The following FAR2 variants were observed in gnomAD, a reference collection of about 807,000 sequenced individuals.
FAR2 encodes fatty acyl-CoA reductase 2, also known as epididymis secretory protein Li 81.
A neutral mutation model predicts 56.0 loss-of-function variants in FAR2; 19 were observed. The observed-to-expected ratio is 0.34, with a 90% confidence interval of 0.24 to 0.50. The LOEUF (loss-of-function observed/expected upper bound fraction) is 0.50. Ranked by LOEUF, FAR2 falls within the 20% of genes least tolerant of loss-of-function variation. The pLI is 0.98. For synonymous variants in FAR2, 219 were observed against 218.8 expected, an observed-to-expected ratio of 1.00 and a Z score of -0.01; for missense variants, 508 against 642.2, an observed-to-expected ratio of 0.79 and a Z score of 2.26.
intron 1 of FAR2, among the ~76,000 whole-genome samples, chr12:29,252,272 A>G (rs771738166): frequency 6.6e-6 from 1 of 152,184 alleles, no homozygotes; most frequent in Admixed American, 6.5e-5. Context: ...GAAAATTGCA[A>G]TGACCCAACC....
chr12:29,199,905 T>A (rs985729446), intron 1 of FAR2, among the ~76,000 whole-genome samples: 1 of 152,154 alleles, frequency 6.6e-6, no homozygotes, highest in Non-Finnish European at 1.5e-5. Flanking sequence ...ATTCATTTTT[T>A]AAAATATGTT....
At position 29,297,101 on chromosome 12, in the gene FAR2, T is replaced by C; in HGVS notation, c.446T>C (p.Ile149Thr). The C allele has an allele frequency of 6.2e-7, 1 of 1,614,036 alleles. No homozygotes were observed. The highest frequency in any genetic ancestry group is 1.1e-5 in the South Asian group (1 of 91,066). ...CAGATGCCAAAGCTGGAAGCCTTTA[T>C]ACATATCTCTACTGCCTATTCAAAT... ...ASQMPKLEAF[I>T]HISTAYSNCN... Residue 149 changes from isoleucine (I) to threonine (T), a missense_variant, in exon 4 of 12, where the codon ATA becomes ACA. Transcript: ENST00000536681.
intron 8 of FAR2, among the ~76,000 whole-genome samples, chr12:29,314,535 C>T (rs1490060838): frequency 3.3e-5 from 5 of 150,890 alleles, no homozygotes; most frequent in African/African-American, 1.2e-4. Flanking sequence ...GTGATTAGAA[C>T]GGTGAACATT....
intron 4 of FAR2, among the ~76,000 whole-genome samples, chr12:29,303,204 T>A (rs566350223): frequency 1.3e-5 from 2 of 152,312 alleles, no homozygotes; most frequent in South Asian, 4.2e-4. Flanking sequence ...GACTCTTAAC[T>A]CTGCAGATGT....
intron 1 of FAR2, among the ~76,000 whole-genome samples, chr12:29,244,345 G>A (rs1053911955): frequency 3.3e-5 from 5 of 152,160 alleles, no homozygotes; most frequent in Admixed American, 1.3e-4. Context: ...CTTCTTATTA[G>A]TGTCAGTGTG....
At chr12:29,332,977 G>A in intron 11 of FAR2, 1 of 535,582 alleles carries the variant, frequency 1.9e-6, no homozygotes, top group Non-Finnish European at 3.5e-6. Flanking sequence ...CAAATAACTT[G>A]CCCATGGTAA....
At chr12:29,324,094 G>A (rs1252158650) in intron 10 of FAR2, among the ~76,000 whole-genome samples, 4 of 152,328 alleles carry the variant, frequency 2.6e-5, no homozygotes, top group Admixed American at 6.5e-5. Flanking sequence ...AGAACTACGT[G>A]ACGAATGCAC....
intron 2 of FAR2, among the ~76,000 whole-genome samples, chr12:29,288,994 T>C (rs1480004990): frequency 6.6e-6 from 1 of 152,036 alleles, no homozygotes; most frequent in Non-Finnish European, 1.5e-5. Context: ...AAGTGAAAGA[T>C]CTCTATAATG....
chr12:29,303,508 C>G (rs1172097414), intron 4 of FAR2, among the ~76,000 whole-genome samples: 1 of 152,164 alleles, frequency 6.6e-6, no homozygotes, highest in African/African-American at 2.4e-5. Flanking sequence ...CCAGAAGACA[C>G]AGCTAAGCTG....
At chr12:29,315,484 A>G (rs1391655299) in intron 8 of FAR2, among the ~76,000 whole-genome samples, 1 of 152,116 alleles carries the variant, frequency 6.6e-6, no homozygotes, top group African/African-American at 2.4e-5. Flanking sequence ...TCTGAGTTAC[A>G]TTTTACAAGA....
At chr12:29,219,143 C>G (rs1427513499) in intron 1 of FAR2, among the ~76,000 whole-genome samples, 1 of 152,108 alleles carries the variant, frequency 6.6e-6, no homozygotes, top group Non-Finnish European at 1.5e-5. Context: ...CCCACCTTTG[C>G]CTCCCAAAGT....
Position 29,333,749 on chromosome 12 carries a change from T to C in FAR2, c.1503T>C (p.Tyr501=), listed in dbSNP as rs976856156. The C allele has an allele frequency of 2.5e-6, 4 of 1,613,758 alleles. No homozygotes were observed. In the African/African-American group the frequency reaches 4.0e-5, roughly 16 times the overall value. Residue 501 remains tyrosine, a synonymous_variant, in exon 12 of 12, where the codon TAT becomes TAC. Coordinates refer to ENST00000536681, the MANE Select transcript of FAR2 (RefSeq NM_001271783.2). ...GGTTCTTCATTGTAAGCTTCTGTTA[T>C]AAATTCCTCTCCTACTTTAGAGCAT... is the stretch of plus-strand genomic sequence containing the variant. ...NVWFFIVSFC[Y]KFLSYFRASS...
At chr12:29,202,736 C>T (rs1947431781) in intron 1 of FAR2, among the ~76,000 whole-genome samples, 1 of 152,066 alleles carries the variant, frequency 6.6e-6, no homozygotes, top group African/African-American at 2.4e-5. Context: ...TCTTTTGCTC[C>T]CTCTCTCTCC....
At chr12:29,160,750 G>T (rs1949775035) in intron 1 of FAR2, among the ~76,000 whole-genome samples, 1 of 151,928 alleles carries the variant, frequency 6.6e-6, no homozygotes, top group African/African-American at 2.4e-5. Flanking sequence ...TCTTCTCCTT[G>T]TGTCTCACAT....
At chr12:29,183,700 C>T (rs1421956731) in intron 1 of FAR2, among the ~76,000 whole-genome samples, 2 of 152,090 alleles carry the variant, frequency 1.3e-5, no homozygotes, top group Non-Finnish European at 2.9e-5. Flanking sequence ...TTTTGTAGTA[C>T]AGCTTTTATG....
At chr12:29,314,100 T>C (rs1387949632) in intron 8 of FAR2, among the ~76,000 whole-genome samples, 1 of 152,222 alleles carries the variant, frequency 6.6e-6, no homozygotes, top group Non-Finnish European at 1.5e-5. Flanking sequence ...TTCTTTGACC[T>C]ATGAGGATGT....
At chr12:29,228,744 TGCCTG>T (rs1591870455) in intron 1 of FAR2, among the ~76,000 whole-genome samples, 1 of 152,158 alleles carries the variant, frequency 6.6e-6, no homozygotes, top group East Asian at 1.9e-4. Flanking sequence ...CCCGCCACCA[TGCCTG>T]GCTAATTTTT....
chr12:29,269,332 T>C (rs1317830238), intron 1 of FAR2, among the ~76,000 whole-genome samples: 1 of 152,244 alleles, frequency 6.6e-6, no homozygotes, highest in Non-Finnish European at 1.5e-5. Context: ...AATATGGCTC[T>C]GTTCCTCCCA....
intron 1 of FAR2, among the ~76,000 whole-genome samples, chr12:29,200,603 G>C (rs1330383707): frequency 6.6e-6 from 1 of 152,216 alleles, no homozygotes; most frequent in Non-Finnish European, 1.5e-5. Flanking sequence ...CACAAATCTT[G>C]TTGGAAGGCT....
Sources: gnomAD v4.1 joint callset for allele counts (sites outside exome capture counted in the v4.1 genomes callset) on GRCh38, gnomAD v4.1.1 for gene constraint, MANE v1.5 for transcripts, NCBI Gene and HGNC (gene_info 2026-07-23, HGNC 2026-07-21) for gene names.